Variants in MBOAT2 observed in about 807,000 individuals in gnomAD.
The protein encoded by MBOAT2 is membrane-bound glycerophospholipid O-acyltransferase 2.
Under a neutral mutation model 63.4 loss-of-function variants are expected in MBOAT2, and 28 were observed. The observed-to-expected ratio is 0.44, with a 90% CI of 0.33 to 0.61. MBOAT2 has a LOEUF of 0.61. MBOAT2 is among the 20% of genes least tolerant of loss of function. The pLI is 0.03. For missense variants in MBOAT2, 470 were observed against 605.8 expected (o/e 0.78, Z 2.35); for synonymous variants, 211 against 215.6 (o/e 0.98, Z 0.19).
chr2:8,861,323 G>A (rs1661477758), intron 11 of MBOAT2, among the ~76,000 whole-genome samples: 1 of 152,202 alleles, frequency 6.6e-6, no homozygotes, highest in African/African-American at 2.4e-5. Flanking sequence ...TAGATACCTG[G>A]TAATTCTAGA....
intron 2 of MBOAT2, among the ~76,000 whole-genome samples, chr2:8,948,040 G>A (rs961490743): frequency 5.3e-5 from 8 of 152,182 alleles, no homozygotes; most frequent in African/African-American, 1.7e-4. Flanking sequence ...TGTGATTCAT[G>A]GAAGGAGGTC....
intron 4 of MBOAT2, among the ~76,000 whole-genome samples, chr2:8,896,671 T>G (rs1325369988): frequency 6.6e-6 from 1 of 152,232 alleles, no homozygotes; most frequent in Non-Finnish European, 1.5e-5. Flanking sequence ...GACGGCTCCT[T>G]CCTGATTCTA....
At chr2:8,897,260 T>C (rs79955877) in intron 4 of MBOAT2, among the ~76,000 whole-genome samples, 6,449 of 152,224 alleles carry the variant, frequency 0.042, 152 homozygotes, top group Middle Eastern at 0.058. Flanking sequence ...TCTCTTTCTC[T>C]GACTTTCTGT....
intron 1 of MBOAT2, among the ~76,000 whole-genome samples, chr2:8,979,478 T>G (rs780221963): frequency 1.3e-4 from 20 of 152,158 alleles, no homozygotes; most frequent in Non-Finnish European, 2.8e-4. Context: ...ATGTGCATTT[T>G]ATAAGGACCG....
At chr2:8,996,878 C>G (rs1381859557) in intron 1 of MBOAT2, among the ~76,000 whole-genome samples, 1 of 152,212 alleles carries the variant, frequency 6.6e-6, no homozygotes, top group East Asian at 1.9e-4. Flanking sequence ...AATGCCAGAA[C>G]AATGCCAAAT....
intron 1 of MBOAT2, among the ~76,000 whole-genome samples, chr2:8,999,151 C>T (rs981762301): frequency 2.0e-5 from 3 of 152,168 alleles, no homozygotes; most frequent in African/African-American, 4.8e-5. Context: ...TTTCCCTGCC[C>T]GGAATTCAGC....
In MBOAT2 at chr2:8,858,718, A is replaced by G; in HGVS notation, c.1524T>C (p.Asn508=). ...FSTTNNVCNQ[N]QEIASRHSSL... Reference sequence around the variant, plus strand: ...ATGAATGTCTCGAGGCTATTTCTTGATTCTGATTGCAAACATTGTTTGTTG... The same window carrying G: ...ATGAATGTCTCGAGGCTATTTCTTGGTTCTGATTGCAAACATTGTTTGTTG... Residue 508 remains asparagine (N), a synonymous_variant, in exon 13 of 13, where the codon AAT becomes AAC. Transcript: ENST00000305997. The G allele has an allele frequency of 1.2e-6, 2 of 1,613,152 alleles. No individual in the cohort carries two copies. Among genetic ancestry groups the G allele is most frequent in the Non-Finnish European group, 1.7e-6 (2 of 1,179,742 alleles).
intron 1 of MBOAT2, among the ~76,000 whole-genome samples, chr2:8,970,538 G>A (rs1051255192): frequency 5.9e-5 from 9 of 152,086 alleles, no homozygotes; most frequent in African/African-American, 2.2e-4. Context: ...AACTGAAGGA[G>A]ATAGAGACAC....
intron 4 of MBOAT2, among the ~76,000 whole-genome samples, chr2:8,902,673 A>G (rs1466550019): frequency 6.6e-6 from 1 of 151,898 alleles, no homozygotes; most frequent in Non-Finnish European, 1.5e-5. Flanking sequence ...TCATAAAGGC[A>G]GTGCATCTGG....
chr2:8,952,303 T>C (rs910191556), intron 2 of MBOAT2, among the ~76,000 whole-genome samples: 17 of 152,212 alleles, frequency 1.1e-4, no homozygotes, highest in African/African-American at 4.1e-4. Flanking sequence ...TGATTTCAGT[T>C]TTTCTGAATG....
At chr2:8,970,628 G>A (rs995101695) in intron 1 of MBOAT2, among the ~76,000 whole-genome samples, 3 of 152,020 alleles carry the variant, frequency 2.0e-5, no homozygotes, top group African/African-American at 4.8e-5. Flanking sequence ...CCACTAGCAA[G>A]ACTAATAAAG....
intron 1 of MBOAT2, among the ~76,000 whole-genome samples, chr2:8,997,144 A>G (rs776842936): frequency 4.5e-4 from 68 of 152,214 alleles, no homozygotes; most frequent in Non-Finnish European, 7.9e-4. Context: ...CATAAAAATC[A>G]TTAAAAGACC....
Position 8,862,528 on chromosome 2 carries a change from C to G in MBOAT2, c.1185+62G>C. 1 of 1,552,962 alleles carries G rather than the reference C, an allele frequency of 6.4e-7. No individual in the cohort carries two copies. The highest frequency in any genetic ancestry group is 8.7e-7 in the Non-Finnish European group (1 of 1,144,718). On this transcript the variant is annotated intron_variant, in intron 11 of 12. Transcript: ENST00000305997. The surrounding 1 kb of genome is among the most constrained non-coding windows in gnomAD (Gnocchi z 4.3). ...GGGTCTACCTTGTAAGAGAGATGTACTCAGCCTTTTTAACAGTTCAAGTGG... is the reference window on the plus strand; with the variant it reads ...GGGTCTACCTTGTAAGAGAGATGTAGTCAGCCTTTTTAACAGTTCAAGTGG...
chr2:8,883,495 T>C (rs982975891), intron 5 of MBOAT2, among the ~76,000 whole-genome samples: 1 of 152,186 alleles, frequency 6.6e-6, no homozygotes, highest in Admixed American at 6.5e-5. Context: ...TTTATATGTA[T>C]ATAAAACAAA....
At chr2:8,916,227 C>T (rs1358190097) in intron 3 of MBOAT2, among the ~76,000 whole-genome samples, 1 of 152,200 alleles carries the variant, frequency 6.6e-6, no homozygotes, top group African/African-American at 2.4e-5. Flanking sequence ...TGCCTTGTCT[C>T]GTGACTTCCA....
intron 1 of MBOAT2, among the ~76,000 whole-genome samples, chr2:8,966,008 T>C (rs974491554): frequency 6.6e-6 from 1 of 152,198 alleles, no homozygotes; most frequent in Non-Finnish European, 1.5e-5. Context: ...ATACAAAATA[T>C]GTTCTAATTT....
At chr2:8,914,533 C>G (rs940995323) in intron 3 of MBOAT2, among the ~76,000 whole-genome samples, 4 of 150,974 alleles carry the variant, frequency 2.6e-5, no homozygotes, top group Non-Finnish European at 4.4e-5. Flanking sequence ...AATCAACGAG[C>G]TATACGGAAT....
At chr2:8,981,790 T>TAGGGA (rs1328455412) in intron 1 of MBOAT2, among the ~76,000 whole-genome samples, 1 of 152,174 alleles carries the variant, frequency 6.6e-6, no homozygotes, top group East Asian at 1.9e-4. Flanking sequence ...GTTTCTGTAA[T>TAGGGA]TTGCTTTAGG....
At chr2:8,940,868 ACT>A (rs1196541671) in intron 3 of MBOAT2, among the ~76,000 whole-genome samples, 2 of 152,180 alleles carry the variant, frequency 1.3e-5, no homozygotes, top group African/African-American at 2.4e-5. Context: ...AAAGACTTAA[ACT>A]CTGGCTAGTC....
Sources: allele counts gnomAD v4.1 joint callset (sites outside exome capture counted in the v4.1 genomes callset), GRCh38; gene constraint gnomAD v4.1.1; non-coding constraint Gnocchi (gnomAD v3.1); transcripts MANE v1.5; gene names NCBI Gene and HGNC (gene_info 2026-07-23, HGNC 2026-07-21).